Variants in POT1 observed in about 807,000 individuals in gnomAD.
POT1 encodes the protein protection of telomeres protein 1.
In POT1, 47 loss-of-function variants were observed where a neutral mutation model predicts 78.5. That is an observed-to-expected ratio of 0.60 (90% CI 0.47 to 0.76). POT1 has a LOEUF of 0.76. Among genes scored for constraint, POT1 ranks in the 30% least tolerant of loss-of-function variants. POT1 has a pLI of 0.00. For missense variants in POT1, 646 were observed against 749.9 expected, an observed-to-expected ratio of 0.86 and a Z score of 1.62; for synonymous variants, 259 against 260.7, an observed-to-expected ratio of 0.99 and a Z score of 0.06.
intron 7 of POT1, among the ~76,000 whole-genome samples, chr7:124,869,185 C>CA (rs1342135988): frequency 6.6e-6 from 1 of 152,032 alleles, no homozygotes; most frequent in Non-Finnish European, 1.5e-5. Flanking sequence ...TGAAAATCTC[C>CA]AAAAAATTTT....
At chr7:124,829,173 T>C (rs1794700590) in intron 16 of POT1, 81 bp downstream of exon 16, 1 of 940,298 alleles carries the variant, frequency 1.1e-6, no homozygotes, top group African/African-American at 1.6e-5. Context: ...AGGTATACTT[T>C]CAGGTATACT....
rs750578336 is a variant in POT1, at chr7:124,827,297, T to C, written c.1603A>G (p.Ile535Val). The C allele has an allele frequency of 5.1e-6, 8 of 1,573,994 alleles. No homozygotes were observed. The South Asian group carries it at 9.3e-5, about 18-fold the overall frequency. ...ACAAACACATATTGGAGGGGTACAA[T>C]ACCCAGTGCTAGTGAAGGAAAAAAA... is the stretch of plus-strand genomic sequence containing the variant. The part of the protein sequence containing the change: ...IPSSVAEALG[I>V]VPLQYVFVMT... Residue 535 changes from isoleucine (I) to valine (V), a missense_variant, in exon 17 of 19, where the codon ATT (isoleucine) becomes GTT (valine). Coordinates refer to ENST00000357628, the MANE Select transcript of POT1 (RefSeq NM_015450.3).
intron 6 of POT1, among the ~76,000 whole-genome samples, chr7:124,891,860 T>C (rs1426075265): frequency 6.6e-6 from 1 of 151,784 alleles, no homozygotes; most frequent in Non-Finnish European, 1.5e-5. Flanking sequence ...TTATACTATG[T>C]ATCCATTAAC....
intron 3 of POT1, chr7:124,900,766 G>A (rs887374183): frequency 3.3e-6 from 1 of 300,600 alleles, no homozygotes; most frequent in Non-Finnish European, 7.1e-6. Flanking sequence ...AGCCATGACG[G>A]TCAGTACCTG....
intron 6 of POT1, among the ~76,000 whole-genome samples, chr7:124,890,560 C>T (rs1474069186): frequency 6.6e-6 from 1 of 151,708 alleles, no homozygotes; most frequent in African/African-American, 2.4e-5. Context: ...ATATGAGAAA[C>T]TTCAGTATTG....
chr7:124,875,319 G>A (rs6973134), intron 6 of POT1, among the ~76,000 whole-genome samples: 91,329 of 151,846 alleles, frequency 0.6, 27,581 homozygotes, highest in African/African-American at 0.65. Context: ...AATTATTTCT[G>A]TGTACACTTA....
At chr7:124,845,860 A>C (rs1795150855) in intron 12 of POT1, among the ~76,000 whole-genome samples, 1 of 151,920 alleles carries the variant, frequency 6.6e-6, no homozygotes, top group Non-Finnish European at 1.5e-5. Flanking sequence ...AATTAGTATT[A>C]TTTGTTTTGA....
At chr7:124,862,221 T>G (rs1359698902) in intron 8 of POT1, among the ~76,000 whole-genome samples, 1 of 152,168 alleles carries the variant, frequency 6.6e-6, no homozygotes, top group African/African-American at 2.4e-5. Context: ...AAATGTAGAC[T>G]CAACTATTTC....
chr7:124,841,814 T>G (rs1242730509), intron 13 of POT1, among the ~76,000 whole-genome samples: 2 of 151,978 alleles, frequency 1.3e-5, no homozygotes, highest in African/African-American at 4.8e-5. Context: ...GGTTTTATTT[T>G]ACAAAGCTGT....
chr7:124,912,988 C>T lies in POT1; in HGVS notation c.-154+2586G>A, dbSNP rs554715084. ...TACAGTTCCACATAGCTGGGGAGGC[C>T]TCATAATCAAGGCGGAAGGCAAGGA... On this transcript the variant is annotated intron_variant, in intron 3 of 18. Coordinates refer to ENST00000357628, the MANE Select transcript of POT1 (RefSeq NM_015450.3). Among the ~76,000 whole-genome samples the T allele has an allele frequency of 1.1e-3, 175 of 152,268 alleles. 1 individual carries two copies. Among genetic ancestry groups the T allele is most frequent in the African/African-American group, 3.8e-3 (159 of 41,538 alleles).
intron 14 of POT1, among the ~76,000 whole-genome samples, chr7:124,836,100 C>T (rs912591408): frequency 6.6e-6 from 1 of 152,140 alleles, no homozygotes; most frequent in Non-Finnish European, 1.5e-5. Flanking sequence ...GTAATGTCAA[C>T]ATTCAATTAT....
chr7:124,852,735 A>G (rs752725941), intron 10 of POT1, among the ~76,000 whole-genome samples: 9 of 152,134 alleles, frequency 5.9e-5, no homozygotes, highest in Non-Finnish European at 1.3e-4. Context: ...GAAGAGAAGC[A>G]TGAGTGTAAA....
intron 3 of POT1, among the ~76,000 whole-genome samples, chr7:124,903,241 C>G (rs192375220): frequency 6.6e-6 from 1 of 152,160 alleles, no homozygotes; most frequent in Non-Finnish European, 1.5e-5. Context: ...AGCACCACAT[C>G]GCACTTACTC....
rs766020075 is a variant in POT1, at chr7:124,841,203, T to C, written c.1164-25A>G. 1.2e-5 allele frequency: 19 copies of C among 1,576,540 alleles called. No homozygotes were observed. The highest frequency in any genetic ancestry group is 2.2e-5 in the East Asian group (1 of 44,564). ...CCTAAAATTATTGGCAATGAAATGA[T>C]AGAAATCGATTTTGGTGTAAGCGTG... On this transcript the variant is annotated intron_variant, in intron 13 of 18. Coordinates refer to ENST00000357628, the MANE Select transcript of POT1 (RefSeq NM_015450.3).
intron 9 of POT1, 39 bp downstream of exon 9, chr7:124,858,918 T>C (rs1178064526): frequency 4.7e-6 from 7 of 1,487,018 alleles, no homozygotes; most frequent in Non-Finnish European, 6.4e-6. Context: ...CTATAATTTA[T>C]AAAAACATAA....
chr7:124,852,898 C>A, intron 10 of POT1, 74 bp downstream of exon 10: 1 of 1,356,866 alleles, frequency 7.4e-7, no homozygotes, highest in South Asian at 1.4e-5. Flanking sequence ...TATCAGAAGC[C>A]CCAGGAACAA....
At chr7:124,882,606 G>C (rs1796144977) in intron 6 of POT1, among the ~76,000 whole-genome samples, 1 of 151,852 alleles carries the variant, frequency 6.6e-6, no homozygotes, top group Admixed American at 6.6e-5. Context: ...TATTCTGGTG[G>C]AGTTTTACTT....
chr7:124,867,676 G>A (rs113339799), intron 7 of POT1, among the ~76,000 whole-genome samples: 2,404 of 151,302 alleles, frequency 0.016, 27 homozygotes, highest in Non-Finnish European at 0.02. Flanking sequence ...GGATGGAGTC[G>A]TGCTCTGTCA....
chr7:124,839,938 A>C (rs1339648529), intron 14 of POT1, among the ~76,000 whole-genome samples: 1 of 151,904 alleles, frequency 6.6e-6, no homozygotes, highest in African/African-American at 2.4e-5. Flanking sequence ...CTCAAAGTCC[A>C]GTCTATATTA....
Sources: gnomAD v4.1 joint callset for allele counts (sites outside exome capture counted in the v4.1 genomes callset) on GRCh38, gnomAD v4.1.1 for gene constraint, MANE v1.5 for transcripts, NCBI Gene and HGNC (gene_info 2026-07-23, HGNC 2026-07-21) for gene names.